CLNK: variants seen among roughly 807,000 people sequenced by gnomAD.
The protein encoded by CLNK is cytokine-dependent hematopoietic cell linker.
CLNK carries 74 observed loss-of-function variants against 68.6 expected under a neutral mutation model. That is an observed-to-expected ratio of 1.08 (90% CI 0.89 to 1.31). CLNK has a LOEUF of 1.31. Among genes scored for constraint, CLNK ranks in the 50% most tolerant of loss-of-function variants. CLNK has a pLI of 0.00. For synonymous variants in CLNK, 198 were observed against 172.2 expected (o/e 1.15, Z -1.17); for missense variants, 553 against 515.3 (o/e 1.07, Z -0.71).
intron 2 of CLNK, among the ~76,000 whole-genome samples, chr4:10,614,198 G>A (rs1164331808): frequency 6.6e-6 from 1 of 152,216 alleles, no homozygotes; most frequent in African/African-American, 2.4e-5. Flanking sequence ...TGTCTGCATG[G>A]AGCCTGCTGG....
chr4:10,726,365 C>T, the CLNK span, among the ~76,000 whole-genome samples: 9 of 152,266 alleles, frequency 5.9e-5, no homozygotes, highest in South Asian at 2.1e-4. Flanking sequence ...GTGATTCACC[C>T]GACTTGGCCT....
chr4:10,513,713 G>T, intron 15 of CLNK, 116 bp from the exon 16 acceptor site: 2 of 959,240 alleles, frequency 2.1e-6, no homozygotes, highest in Non-Finnish European at 2.9e-6. Flanking sequence ...GGACCTTCTT[G>T]GTCAACACCA....
intron 2 of CLNK, among the ~76,000 whole-genome samples, chr4:10,644,331 C>A (rs1723428538): frequency 6.6e-6 from 1 of 152,220 alleles, no homozygotes; most frequent in African/African-American, 2.4e-5. Flanking sequence ...TAGGTGCCTT[C>A]ATAATAACTG....
intron 18 of CLNK, 29 bp downstream of exon 18, chr4:10,501,227 G>T: frequency 6.5e-7 from 1 of 1,535,398 alleles, no homozygotes; most frequent in Non-Finnish European, 8.7e-7. Context: ...GCTTAGCCTG[G>T]AACAGGGAGG....
the CLNK span, among the ~76,000 whole-genome samples, chr4:10,725,867 A>G: frequency 1.3e-5 from 2 of 152,140 alleles, no homozygotes; most frequent in African/African-American, 4.8e-5. Context: ...AAAAAAAAGA[A>G]AAAAGAAAAA....
intron 2 of CLNK, chr4:10,598,671 C>T (rs1159189149): frequency 4.5e-6 from 2 of 445,942 alleles, no homozygotes; most frequent in South Asian, 1.6e-5. Flanking sequence ...AGTTAATTTG[C>T]TAACATTCAT....
Position 10,509,526 on chromosome 4 carries a change from C to CT in CLNK, c.907-1491dup, listed in dbSNP as rs34708664. On this transcript the variant is annotated intron_variant, in intron 16 of 18. Transcript: ENST00000226951. ...TCAAGATTGGGACCAAAAGTCACCT[C>CT]TTTTTTTTTTTTTTTGAGATGGAAT... Among the ~76,000 whole-genome samples, 980 of 142,276 alleles carry CT rather than the reference C, an allele frequency of 6.9e-3. 3 individuals carry two copies. The highest frequency in any genetic ancestry group is 0.015 in the Middle Eastern group (4 of 274). 93.3% of individuals were successfully genotyped at this position (142,276 alleles called of 152,430 possible). A position where few individuals can be genotyped will look rare whatever the true frequency, so the allele number is the denominator to read the frequency against.
chr4:10,583,267 TTC>T (rs774852724), intron 4 of CLNK, among the ~76,000 whole-genome samples: 1 of 151,998 alleles, frequency 6.6e-6, no homozygotes, highest in African/African-American at 2.4e-5. Flanking sequence ...TGTTATTTCT[TTC>T]TCTCTCTCTC....
chr4:10,677,929 C>T (rs1171725141), intron 1 of CLNK, among the ~76,000 whole-genome samples: 1 of 152,094 alleles, frequency 6.6e-6, no homozygotes, highest in Non-Finnish European at 1.5e-5. Context: ...TATACAGCAA[C>T]AATCCAAATG....
intron 4 of CLNK, among the ~76,000 whole-genome samples, chr4:10,581,303 CTG>C (rs1720769767): frequency 6.6e-6 from 1 of 152,060 alleles, no homozygotes; most frequent in Non-Finnish European, 1.5e-5. Context: ...TGACACATGA[CTG>C]TGTATGTATA....
At chr4:10,601,060 A>G (rs973121896) in intron 2 of CLNK, among the ~76,000 whole-genome samples, 7 of 152,122 alleles carry the variant, frequency 4.6e-5, no homozygotes, top group African/African-American at 1.7e-4. Context: ...TTTTTATTTC[A>G]TGTTTGTAGC....
chr4:10,551,813 G>T (rs1474778975), intron 8 of CLNK, among the ~76,000 whole-genome samples: 1 of 150,620 alleles, frequency 6.6e-6, no homozygotes, highest in Non-Finnish European at 1.5e-5. Flanking sequence ...ATGTAAAACT[G>T]CCTTTGCAAA....
At chr4:10,595,163 A>G (rs1050312438) in intron 3 of CLNK, among the ~76,000 whole-genome samples, 2 of 152,226 alleles carry the variant, frequency 1.3e-5, no homozygotes, top group African/African-American at 4.8e-5. Flanking sequence ...TCAGAATTCA[A>G]ATCCAACTGG....
chr4:10,669,450 G>T (rs1349656472), intron 1 of CLNK, among the ~76,000 whole-genome samples: 1 of 152,126 alleles, frequency 6.6e-6, no homozygotes, highest in African/African-American at 2.4e-5. Context: ...ATTAAGGGAG[G>T]TGTTCCAAGC....
chr4:10,511,862 G>A (rs549332043), intron 16 of CLNK, among the ~76,000 whole-genome samples: 4 of 152,038 alleles, frequency 2.6e-5, no homozygotes, highest in African/African-American at 9.6e-5. Flanking sequence ...CAATTCTTTT[G>A]GGCATAGACT....
chr4:10,642,400 G>A (rs923569478), intron 2 of CLNK, among the ~76,000 whole-genome samples: 53 of 152,280 alleles, frequency 3.5e-4, no homozygotes, highest in Middle Eastern at 3.4e-3. Flanking sequence ...TGTTCCTTGA[G>A]GTTCAGAGAA....
intron 18 of CLNK, among the ~76,000 whole-genome samples, chr4:10,499,494 C>T (rs1464616709): frequency 6.6e-6 from 1 of 152,166 alleles, no homozygotes; most frequent in Non-Finnish European, 1.5e-5. Flanking sequence ...TGGTCAGACA[C>T]GGGATTTAAG....
the CLNK span, among the ~76,000 whole-genome samples, chr4:10,713,509 A>G: frequency 6.6e-6 from 1 of 152,140 alleles, no homozygotes. Flanking sequence ...CCCATATCAC[A>G]TAGCTGTAGA....
chr4:10,702,369 T>C, the CLNK span, among the ~76,000 whole-genome samples: 16 of 152,006 alleles, frequency 1.1e-4, no homozygotes, highest in South Asian at 6.3e-4. Context: ...CTGAGGACTA[T>C]GGCCAGTTTA....
Sources: gnomAD v4.1 joint callset for allele counts (sites outside exome capture counted in the v4.1 genomes callset) on GRCh38, gnomAD v4.1.1 for gene constraint, MANE v1.5 for transcripts, NCBI Gene and HGNC (gene_info 2026-07-23, HGNC 2026-07-21) for gene names.